LRRC4C: variants seen among roughly 807,000 people sequenced by gnomAD.
The protein encoded by LRRC4C is leucine rich repeat containing 4C, also known as leucine-rich repeat-containing protein 4C.
In LRRC4C, 5 loss-of-function variants were observed where a neutral mutation model predicts 33.6. That is an observed-to-expected ratio of 0.15 (90% CI 0.08 to 0.31). The LOEUF (loss-of-function observed/expected upper bound fraction) is 0.31, where lower values mean the gene tolerates loss of function less well. Among genes scored for constraint, LRRC4C ranks in the 10% least tolerant of loss-of-function variants. LRRC4C has a pLI of 1.00. For synonymous variants in LRRC4C, 329 were observed against 302.0 expected, an observed-to-expected ratio of 1.09 and a Z score of -0.93; for missense variants, 560 against 796.7, an observed-to-expected ratio of 0.70 and a Z score of 3.58.
At chr11:41,244,811 T>G (rs550878323) in intron 1 of LRRC4C, among the ~76,000 whole-genome samples, 3 of 152,150 alleles carry the variant, frequency 2.0e-5, no homozygotes, top group Non-Finnish European at 4.4e-5. Context: ...TGAGTAAGAC[T>G]GGATTTTGGG....
At chr11:41,140,259 T>A (rs773670745) in intron 1 of LRRC4C, among the ~76,000 whole-genome samples, 44 of 152,164 alleles carry the variant, frequency 2.9e-4, no homozygotes, top group Non-Finnish European at 4.7e-4. Context: ...ACTCCCATCA[T>A]TTCATGTTTC....
intron 1 of LRRC4C, among the ~76,000 whole-genome samples, chr11:41,385,378 G>A (rs557078765): frequency 6.6e-6 from 1 of 151,282 alleles, no homozygotes; most frequent in East Asian, 1.9e-4. Flanking sequence ...ACAACAAATC[G>A]CAACAAATCT....
intron 3 of LRRC4C, among the ~76,000 whole-genome samples, chr11:40,368,092 G>A (rs79728689): frequency 0.021 from 3,253 of 152,062 alleles, 105 homozygotes; most frequent in African/African-American, 0.074. Context: ...ATTGGTAAAG[G>A]TGACTCAAAC....
chr11:41,190,605 G>T lies in LRRC4C; in HGVS notation c.-495-256882C>A, dbSNP rs944242434. On this transcript the variant is annotated intron_variant, in intron 1 of 6. Coordinates refer to ENST00000528697, the MANE Select transcript of LRRC4C (RefSeq NM_001258419.2). ...TAGATTACCCAGTCCTCACCAATGC[G>T]GATGCATTGGCTAAACAACGGTAAA... Among the ~76,000 whole-genome samples, 348 of 152,190 alleles carry T rather than the reference G, an allele frequency of 2.3e-3. 7 individuals carry two copies. The highest frequency in any genetic ancestry group is 7.4e-4 in the Non-Finnish European group (50 of 68,006).
chr11:40,987,481 C>T (rs1039214702), intron 1 of LRRC4C, among the ~76,000 whole-genome samples: 3 of 151,442 alleles, frequency 2.0e-5, no homozygotes, highest in Non-Finnish European at 4.4e-5. Context: ...TTCAGAAAAA[C>T]GTGCTTTTTA....
intron 2 of LRRC4C, among the ~76,000 whole-genome samples, chr11:40,702,111 T>C (rs1308763621): frequency 6.6e-6 from 1 of 152,108 alleles, no homozygotes; most frequent in East Asian, 1.9e-4. Flanking sequence ...TTAAAAGGTT[T>C]CACAAAAGGG....
intron 1 of LRRC4C, among the ~76,000 whole-genome samples, chr11:40,939,739 G>T (rs1175910342): frequency 2.0e-5 from 3 of 152,148 alleles, no homozygotes; most frequent in African/African-American, 7.2e-5. Context: ...GCTGAGCCTT[G>T]TTCCTGTGCC....
At chr11:40,522,085 C>A (rs1955839825) in intron 3 of LRRC4C, among the ~76,000 whole-genome samples, 1 of 152,102 alleles carries the variant, frequency 6.6e-6, no homozygotes, top group South Asian at 2.1e-4. Context: ...TGCGATGGCA[C>A]AATCTCGGCC....
chr11:41,280,339 G>C lies in LRRC4C; in HGVS notation c.-496+179092C>G, dbSNP rs899449699. Among the ~76,000 whole-genome samples, 7 of 147,350 alleles carry C rather than the reference G, an allele frequency of 4.8e-5. No homozygotes were observed. The South Asian group carries it at 1.3e-3, about 27-fold the overall frequency. On this transcript the variant is annotated intron_variant, in intron 1 of 6. Coordinates refer to ENST00000528697, the MANE Select transcript of LRRC4C (RefSeq NM_001258419.2). ...GACTACATAGAAGAGTTTCCTAGAT[G>C]GGTCAAGTAGTCCAAACCAAGGAGG...
rs564294130 is a variant in LRRC4C at position 40,153,510 on chromosome 11, G to A, written c.-95-12657C>T. 2.0e-4 allele frequency among the ~76,000 whole-genome samples: 31 copies of A among 152,160 alleles called. No homozygotes were observed. The South Asian group carries it at 6.2e-3, about 31-fold the overall frequency. The stretch of plus-strand genomic sequence containing the variant: ...CTAATCAGGGAGGGACCAGAGAAAG[G>A]TGAAGCCCAATGCAAGGAAATACAA... On this transcript the variant is annotated intron_variant, in intron 5 of 6. Transcript: ENST00000528697.
intron 2 of LRRC4C, among the ~76,000 whole-genome samples, chr11:40,769,215 T>C (rs1275544662): frequency 6.6e-6 from 1 of 152,114 alleles, no homozygotes; most frequent in Non-Finnish European, 1.5e-5. Context: ...ATCAAGAAAG[T>C]ATTCTCATTT....
chr11:40,857,136 C>G (rs1024116681), intron 2 of LRRC4C, among the ~76,000 whole-genome samples: 1 of 152,164 alleles, frequency 6.6e-6, no homozygotes, highest in African/African-American at 2.4e-5. Flanking sequence ...TTATAAGACA[C>G]AATGCCTTGC....
chr11:40,742,888 C>T (rs1948228514), intron 2 of LRRC4C, among the ~76,000 whole-genome samples: 1 of 151,950 alleles, frequency 6.6e-6, no homozygotes, highest in Admixed American at 6.6e-5. Flanking sequence ...TGCTCCTTTC[C>T]CCAGAAACTC....
At chr11:41,145,522 C>T (rs1232795366) in intron 1 of LRRC4C, among the ~76,000 whole-genome samples, 1 of 120,452 alleles carries the variant, frequency 8.3e-6, no homozygotes, top group African/African-American at 2.9e-5. Context: ...TTGCCTATGG[C>T]TGCTTTTATG....
chr11:40,933,366 G>A (rs941976370), intron 2 of LRRC4C, among the ~76,000 whole-genome samples: 9 of 152,240 alleles, frequency 5.9e-5, no homozygotes, highest in Non-Finnish European at 1.0e-4. Context: ...CCCATGCCAT[G>A]TATCCAGCAA....
chr11:41,395,138 G>T (rs1222408498), intron 1 of LRRC4C, among the ~76,000 whole-genome samples: 1 of 150,224 alleles, frequency 6.7e-6, no homozygotes, highest in Non-Finnish European at 1.5e-5. Flanking sequence ...GACACTGGCA[G>T]AGTCTCAGAG....
At chr11:41,012,677 G>T (rs1198178427) in intron 1 of LRRC4C, among the ~76,000 whole-genome samples, 2 of 152,058 alleles carry the variant, frequency 1.3e-5, no homozygotes, top group African/African-American at 4.8e-5. Context: ...TTACATAGCG[G>T]CTGAACTAAT....
intron 1 of LRRC4C, among the ~76,000 whole-genome samples, chr11:41,341,763 C>A (rs2137474107): frequency 6.6e-6 from 1 of 152,314 alleles, no homozygotes; most frequent in Non-Finnish European, 1.5e-5. Flanking sequence ...CACTTTGCAA[C>A]ATAGTTTCAG....
chr11:40,957,325 G>T (rs1054457689), intron 1 of LRRC4C, among the ~76,000 whole-genome samples: 1 of 151,646 alleles, frequency 6.6e-6, no homozygotes, highest in African/African-American at 2.4e-5. Flanking sequence ...CATTTCTGTG[G>T]CCACTAAGTT....
Sources: gnomAD v4.1 joint callset for allele counts (sites outside exome capture counted in the v4.1 genomes callset) on GRCh38, gnomAD v4.1.1 for gene constraint, MANE v1.5 for transcripts, NCBI Gene and HGNC (gene_info 2026-07-23, HGNC 2026-07-21) for gene names.